The following SYNRG variants were observed in gnomAD, a reference collection of about 807,000 sequenced individuals.
SYNRG encodes the protein synergin gamma, also known as AP1 gamma subunit binding protein 1.
Under a neutral mutation model 130.9 loss-of-function variants are expected in SYNRG, and 37 were observed. That is an observed-to-expected ratio of 0.28 (90% CI 0.22 to 0.37). The LOEUF is 0.37. Ranked by LOEUF, SYNRG falls within the 10% of genes least tolerant of loss-of-function variation. The probability of loss-of-function intolerance (pLI) is 1.00; values close to 1 mark genes in which losing one functional copy is unlikely to be tolerated. For synonymous variants in SYNRG, 539 were observed against 568.1 expected (o/e 0.95, Z 0.73); for missense variants, 1,338 against 1,588.9 (o/e 0.84, Z 2.68).
intron 11 of SYNRG, among the ~76,000 whole-genome samples, chr17:37,564,530 C>T (rs531017644): frequency 6.6e-6 from 1 of 152,310 alleles, no homozygotes; most frequent in Admixed American, 6.5e-5. Context: ...AGTCATAAGC[C>T]ATCCCACAAC....
At chr17:37,535,897 A>G in intron 19 of SYNRG, 82 bp downstream of exon 19, 1 of 1,566,864 alleles carries the variant, frequency 6.4e-7, no homozygotes, top group East Asian at 2.2e-5. Flanking sequence ...TCTAATAAGT[A>G]CCATCATAGG....
intron 21 of SYNRG, 22 bp from the exon 22 acceptor site, chr17:37,519,093 G>T (rs568975232): frequency 6.2e-7 from 1 of 1,609,116 alleles, no homozygotes; most frequent in Admixed American, 1.7e-5. Flanking sequence ...AAACAGAGAT[G>T]TGGGGCAAGT....
At chr17:37,598,939 A>G (rs2063020240) in intron 2 of SYNRG, among the ~76,000 whole-genome samples, 1 of 152,278 alleles carries the variant, frequency 6.6e-6, no homozygotes, top group African/African-American at 2.4e-5. Flanking sequence ...ATCTAATTAC[A>G]GATAGCTTAA....
At chr17:37,609,215 T>C (rs1188623125) in intron 1 of SYNRG, 64 bp downstream of exon 1, 8 of 1,370,550 alleles carry the variant, frequency 5.8e-6, no homozygotes, top group Non-Finnish European at 7.5e-6. Flanking sequence ...CTGCCATAAC[T>C]GCCAAGCGCC....
intron 3 of SYNRG, among the ~76,000 whole-genome samples, chr17:37,589,573 A>G (rs1017003564): frequency 2.0e-5 from 3 of 151,914 alleles, no homozygotes; most frequent in Non-Finnish European, 4.4e-5. Context: ...ACACGATGAA[A>G]TCCCATCTCT....
chr17:37,520,480 T>C, intron 20 of SYNRG, 58 bp downstream of exon 20: 2 of 1,515,814 alleles, frequency 1.3e-6, no homozygotes, highest in South Asian at 1.1e-5. Flanking sequence ...CAGATGAGGT[T>C]GTCCAGAGTC....
chr17:37,551,875 C>CA (rs11401626), intron 14 of SYNRG, among the ~76,000 whole-genome samples: 15,926 of 85,940 alleles, frequency 0.19, 2,979 homozygotes, highest in African/African-American at 0.47. Flanking sequence ...AGGAAAAGTA[C>CA]AAAAAAAAAA....
At chr17:37,570,360 A>G (rs2060330354) in intron 10 of SYNRG, among the ~76,000 whole-genome samples, 2 of 145,510 alleles carry the variant, frequency 1.4e-5, no homozygotes, top group Non-Finnish European at 1.5e-5. Context: ...CTGCCTTTCA[A>G]CAAGGCTGTA....
At position 37,553,196 on chromosome 17, in the gene SYNRG, C is replaced by T; in HGVS notation, c.2527G>A (p.Val843Met). ...SVQFDMKLAD[V>M]GGDLKHVMSD... ...ATGACATGCTTAAGATCTCCTCCCA[C>T]ATCAGCCAATTTCATGTCAAACTGA... is the stretch of plus-strand genomic sequence containing the variant. Residue 843 changes from valine to methionine, a missense_variant, in exon 14 of 22, where the codon GTG becomes ATG. By Grantham distance (21) the Val-to-Met change is conservative. This residue lies in a region of SYNRG where 1,146 missense variants were observed against 1,342.3 expected (regional missense o/e 0.85). Transcript: ENST00000612223. 6.2e-7 allele frequency: 1 copy of T among 1,614,160 alleles called. No homozygotes were observed. The highest frequency in any genetic ancestry group is 1.1e-5 in the South Asian group (1 of 91,070).
At chr17:37,534,469 C>T (rs960769983) in intron 19 of SYNRG, among the ~76,000 whole-genome samples, 11 of 152,036 alleles carry the variant, frequency 7.2e-5, no homozygotes, top group Non-Finnish European at 1.6e-4. Context: ...AGGTGATCCG[C>T]CCACCTCAGC....
rs764520370 is a variant in SYNRG at position 37,516,241 on chromosome 17, G to A, written c.*2699C>T. The A allele has an allele frequency of 1.3e-5, 2 of 152,234 alleles. No homozygotes were observed. The highest frequency in any genetic ancestry group is 2.9e-5 in the Non-Finnish European group (2 of 68,058). 9.4% of individuals were successfully genotyped at this position (152,234 alleles called of 1,614,324 possible). On this transcript the variant is annotated 3_prime_UTR_variant, in exon 22 of 22. Transcript: ENST00000612223. ...GGGCTCCTGGCTGACAAGAAGAGCT[G>A]AGGTGAAGCTGAATGCAGCGTTGAG...
chr17:37,551,196 A>G (rs1362017354), intron 14 of SYNRG, among the ~76,000 whole-genome samples: 2 of 152,236 alleles, frequency 1.3e-5, no homozygotes, highest in African/African-American at 2.4e-5. Flanking sequence ...AGCAAGAGAT[A>G]CTGTGGTGAA....
rs764973660 is a variant in SYNRG at position 37,571,869 on chromosome 17, G to A, written c.1020C>T (p.Ala340=). 31 of 1,613,932 alleles carry A rather than the reference G, an allele frequency of 1.9e-5. No individual in the cohort carries two copies. The Admixed American group carries it at 5.0e-4, about 26-fold the overall frequency. The change falls in exon 9 of 22, where the codon GCC becomes GCT. Residue 340 remains alanine (A), a synonymous_variant. Coordinates refer to ENST00000612223, the MANE Select transcript of SYNRG (RefSeq NM_007247.6). ...LPRETLGQIW[A]LANRTTPGKL... is the part of the protein sequence containing the mutation. ...TGCCAGGTGTAGTTCGATTAGCTAAGGCCCATATCTGTCCAAGAGTTTCCC... is the reference window on the plus strand; with the variant it reads ...TGCCAGGTGTAGTTCGATTAGCTAAAGCCCATATCTGTCCAAGAGTTTCCC...
intron 9 of SYNRG, among the ~76,000 whole-genome samples, chr17:37,571,438 C>T (rs1306342287): frequency 6.6e-6 from 1 of 152,016 alleles, no homozygotes; most frequent in Non-Finnish European, 1.5e-5. Flanking sequence ...AAAAAGTAGC[C>T]GGGCATGGTG....
At chr17:37,593,825 A>G (rs2062428232) in intron 3 of SYNRG, among the ~76,000 whole-genome samples, 1 of 151,182 alleles carries the variant, frequency 6.6e-6, no homozygotes, top group Non-Finnish European at 1.5e-5. Context: ...CGGAGGTTGC[A>G]GTGAGCCGAG....
chr17:37,581,269 T>C (rs990691542), intron 6 of SYNRG, among the ~76,000 whole-genome samples: 2 of 147,192 alleles, frequency 1.4e-5, no homozygotes, highest in African/African-American at 2.5e-5. Context: ...TTATTATTAT[T>C]ATTACTATTA....
intron 6 of SYNRG, among the ~76,000 whole-genome samples, chr17:37,580,010 C>G (rs2061167856): frequency 6.6e-6 from 1 of 152,026 alleles, no homozygotes; most frequent in South Asian, 2.1e-4. Flanking sequence ...TAATGATTTA[C>G]ATCAAAGTGA....
At chr17:37,538,990 C>G (rs1030691589) in intron 17 of SYNRG, 30 of 945,068 alleles carry the variant, frequency 3.2e-5, no homozygotes, top group Non-Finnish European at 3.8e-5. Flanking sequence ...GAGGGGATGA[C>G]TGACACATGA....
At chr17:37,609,187 G>C in intron 1 of SYNRG, 92 bp downstream of exon 1, 12 of 1,289,598 alleles carry the variant, frequency 9.3e-6, no homozygotes, top group Non-Finnish European at 1.2e-5. Flanking sequence ...CAAGGAAAAG[G>C]ATCAGGGCTG....
Sources: gnomAD v4.1 joint callset for allele counts (sites outside exome capture counted in the v4.1 genomes callset) on GRCh38, gnomAD v4.1.1 for gene constraint, gnomAD v4.1.1 regional missense constraint, MANE v1.5 for transcripts, NCBI Gene and HGNC (gene_info 2026-07-23, HGNC 2026-07-21) for gene names.